Variants in GAD1 observed in about 807,000 individuals in gnomAD.
GAD1 encodes the protein glutamate decarboxylase 1, also known as 67 kDa glutamic acid decarboxylase.
GAD1 carries 35 observed loss-of-function variants against 75.2 expected under a neutral mutation model. The observed-to-expected ratio is 0.47, with a 90% CI of 0.36 to 0.62. The LOEUF is 0.62. Among genes scored for constraint, GAD1 ranks in the 20% least tolerant of loss-of-function variants. The pLI is 0.00. For missense variants in GAD1, 490 were observed against 758.5 expected, an observed-to-expected ratio of 0.65 and a Z score of 4.16; for synonymous variants, 257 against 271.9, an observed-to-expected ratio of 0.95 and a Z score of 0.54.
intron 6 of GAD1, among the ~76,000 whole-genome samples, chr2:170,840,617 G>GAGGA (rs1702489255): frequency 7.3e-6 from 1 of 137,710 alleles, no homozygotes. Flanking sequence ...GGAAGGGAGG[G>GAGGA]AGGGAGGAAG....
rs1029108102 is a variant in GAD1, at chr2:170,845,851, T to A, written c.947+66T>A. On this transcript the variant is annotated intron_variant, in intron 9 of 16. Coordinates refer to ENST00000358196, the MANE Select transcript of GAD1 (RefSeq NM_000817.3). ...AATGTGTTCATCTGTTAAATTTGTT[T>A]TATTGTGCTTAAGGACTGGCTCAGT... 1.2e-5 allele frequency: 18 copies of A among 1,540,368 alleles called. No homozygotes were observed. The African/African-American group carries it at 2.3e-4, about 20-fold the overall frequency.
intron 16 of GAD1, 52 bp downstream of exon 16, chr2:170,858,945 T>G: frequency 6.8e-7 from 1 of 1,474,482 alleles, no homozygotes; most frequent in Non-Finnish European, 9.5e-7. Flanking sequence ...CTCTGGCTGG[T>G]CAGGACATCC....
chr2:170,846,722 G>A (rs1702640123), intron 10 of GAD1, among the ~76,000 whole-genome samples: 1 of 152,226 alleles, frequency 6.6e-6, no homozygotes, highest in African/African-American at 2.4e-5. Flanking sequence ...AAAAGCCTAA[G>A]AGGCAGGGCA....
At chr2:170,857,840 C>A (rs1416541344) in intron 15 of GAD1, among the ~76,000 whole-genome samples, 3 of 152,122 alleles carry the variant, frequency 2.0e-5, no homozygotes, top group Non-Finnish European at 4.4e-5. Flanking sequence ...CCTGCTAGGA[C>A]CTAGATTCTA....
At chr2:170,827,382 C>T (rs1702050251) in intron 3 of GAD1, among the ~76,000 whole-genome samples, 1 of 152,214 alleles carries the variant, frequency 6.6e-6, no homozygotes, top group African/African-American at 2.4e-5. Flanking sequence ...CCTTTTTCCT[C>T]TTTTCAGTGT....
intron 16 of GAD1, 108 bp downstream of exon 16, chr2:170,859,001 C>A: frequency 2.9e-6 from 3 of 1,031,612 alleles, no homozygotes; most frequent in East Asian, 5.1e-5. Flanking sequence ...AAAAATAAAG[C>A]CTTGGGGTGG....
At chr2:170,828,358 CATCCCCTTCCCTCT>C (rs1287091897) in intron 3 of GAD1, among the ~76,000 whole-genome samples, 1 of 137,230 alleles carries the variant, frequency 7.3e-6, no homozygotes, top group African/African-American at 2.8e-5. Context: ...CTGCTGTCCT[CATCCCCTTCCCTCT>C]GCTGTCCTCA....
upstream of GAD1, among the ~76,000 whole-genome samples, chr2:170,815,876 G>A (rs1166673705): frequency 3.9e-5 from 6 of 152,224 alleles, no homozygotes; most frequent in Non-Finnish European, 7.3e-5. Context: ...CGGGAGCGCA[G>A]GGCCTCTCCG....
intron 15 of GAD1, among the ~76,000 whole-genome samples, chr2:170,858,194 C>T (rs930361225): frequency 2.0e-5 from 3 of 152,086 alleles, no homozygotes; most frequent in African/African-American, 7.2e-5. Flanking sequence ...CAAACAGCAA[C>T]CAGCGAGAAA....
chr2:170,851,025 A>G (rs6746469), intron 12 of GAD1, among the ~76,000 whole-genome samples: 1 of 138,438 alleles, frequency 7.2e-6, no homozygotes, highest in African/African-American at 2.8e-5. Flanking sequence ...AAAAAAAAAG[A>G]AAAAAAAAAG....
intron 6 of GAD1, chr2:170,842,747 T>A: frequency 6.5e-7 from 1 of 1,550,036 alleles, no homozygotes; most frequent in South Asian, 1.2e-5. Context: ...AATAAAATAC[T>A]TCTACCAACA....
At chr2:170,840,192 C>T (rs1559279658) in intron 6 of GAD1, among the ~76,000 whole-genome samples, 1 of 152,148 alleles carries the variant, frequency 6.6e-6, no homozygotes, top group Admixed American at 6.5e-5. Context: ...AAAAATGGCT[C>T]CAGTCCTAAG....
intron 7 of GAD1, among the ~76,000 whole-genome samples, 198 bp downstream of exon 7, chr2:170,844,355 C>T (rs1164629499): frequency 6.6e-6 from 1 of 151,478 alleles, no homozygotes; most frequent in Non-Finnish European, 1.5e-5. Context: ...TCTGTAAAAA[C>T]TGACAAAGGC....
intron 6 of GAD1, among the ~76,000 whole-genome samples, chr2:170,840,509 C>T (rs1702486419): frequency 6.6e-6 from 1 of 151,986 alleles, no homozygotes; most frequent in Admixed American, 6.6e-5. Context: ...CTTTCTAATC[C>T]CTATTGTAGC....
chr2:170,816,149 G>A (rs1701693009), upstream of GAD1: 1 of 152,330 alleles, frequency 6.6e-6, no homozygotes, highest in African/African-American at 2.4e-5. Flanking sequence ...GATTAATCAG[G>A]AGGCCTTCTT....
intron 11 of GAD1, among the ~76,000 whole-genome samples, chr2:170,848,278 A>G (rs1390047190): frequency 6.6e-6 from 1 of 152,134 alleles, no homozygotes; most frequent in Non-Finnish European, 1.5e-5. Flanking sequence ...CAGGTGGATC[A>G]CCTGAGGTCA....
chr2:170,818,384 AC>A lies in GAD1; in HGVS notation c.-63-143del. 1.6e-6 allele frequency: 1 copy of A among 612,374 alleles called. No homozygotes were observed. Among genetic ancestry groups the A allele is most frequent in the Non-Finnish European group, 2.9e-6 (1 of 339,480 alleles). The allele number at this position is 612,374 out of a possible 1,614,324, so 37.9% of individuals were successfully genotyped here. Reference sequence around the variant, plus strand: ...GCTGCCCCCACCCCTGCGCACCCCTACCAGGCAGGCTCGCTGCCTTTCCTCC... The same window carrying A: ...GCTGCCCCCACCCCTGCGCACCCCTACAGGCAGGCTCGCTGCCTTTCCTCC... On this transcript the variant is annotated intron_variant, in intron 1 of 16. Transcript: ENST00000358196. This position sits in a 1 kb window ranked among gnomAD's most constrained non-coding sequence, Gnocchi z 5.9.
chr2:170,847,690 T>A lies in GAD1; in HGVS notation c.1017T>A (p.Phe339Leu). The change falls in exon 11 of 17, where the codon TTT becomes TTA. Residue 339 changes from phenylalanine to leucine, a missense_variant. Phe to Leu is a conservative substitution (Grantham distance 22). Coordinates refer to ENST00000358196, the MANE Select transcript of GAD1 (RefSeq NM_000817.3). The part of the protein sequence containing the change: ...LEAKQKGYVP[F>L]YVNATAGTTV... ...TTACCTTGTAGGGATATGTTCCCTTTTATGTCAATGCAACTGCTGGCACGA... is the reference window on the plus strand; with the variant it reads ...TTACCTTGTAGGGATATGTTCCCTTATATGTCAATGCAACTGCTGGCACGA... 1 of 1,613,108 alleles carries A rather than the reference T, an allele frequency of 6.2e-7. No individual in the cohort carries two copies. The highest frequency in any genetic ancestry group is 1.6e-4 in the Middle Eastern group (1 of 6,062).
chr2:170,849,170 TTA>T, intron 11 of GAD1, 114 bp from the exon 12 acceptor site: 2 of 882,372 alleles, frequency 2.3e-6, no homozygotes, highest in South Asian at 1.4e-5. Context: ...TCTGAGAAAC[TTA>T]TGTTTTTCAC....
Sources: allele counts gnomAD v4.1 joint callset (sites outside exome capture counted in the v4.1 genomes callset), GRCh38; gene constraint gnomAD v4.1.1; non-coding constraint Gnocchi (gnomAD v3.1); transcripts MANE v1.5; gene names NCBI Gene and HGNC (gene_info 2026-07-23, HGNC 2026-07-21).